KIAA1217: variants seen among roughly 807,000 people sequenced by gnomAD.
KIAA1217 encodes the protein KIAA1217.
KIAA1217 carries 88 observed loss-of-function variants against 163.9 expected under a neutral mutation model. The ratio of observed to expected loss-of-function variants is 0.54; its 90% CI spans 0.45 to 0.64. The LOEUF (loss-of-function observed/expected upper bound fraction) is 0.64. Among genes scored for constraint, KIAA1217 ranks in the 30% least tolerant of loss-of-function variants. The probability of loss-of-function intolerance (pLI) is 0.00; values close to 1 mark genes in which losing one functional copy is unlikely to be tolerated. For missense variants in KIAA1217, 2,372 were observed against 2,475.0 expected, an observed-to-expected ratio of 0.96 and a Z score of 0.88; for synonymous variants, 903 against 923.1, an observed-to-expected ratio of 0.98 and a Z score of 0.39.
At chr10:24,333,659 G>T (rs187457975) in intron 2 of KIAA1217, among the ~76,000 whole-genome samples, 1 of 152,268 alleles carries the variant, frequency 6.6e-6, no homozygotes, top group East Asian at 1.9e-4. Flanking sequence ...AAATCAATAG[G>T]CTGGCCTACA....
At chr10:24,498,471 T>C (rs1462437521) in intron 8 of KIAA1217, among the ~76,000 whole-genome samples, 1 of 151,966 alleles carries the variant, frequency 6.6e-6, no homozygotes, top group African/African-American at 2.4e-5. Context: ...GTACCAAATA[T>C]AGGAGATTAA....
chr10:24,412,174 G>C (rs1292784380), intron 3 of KIAA1217, among the ~76,000 whole-genome samples: 1 of 114,914 alleles, frequency 8.7e-6, no homozygotes, highest in African/African-American at 3.8e-5. Context: ...AAAAATGTTT[G>C]GTCCAAAAAA....
intron 2 of KIAA1217, among the ~76,000 whole-genome samples, chr10:24,136,289 T>G (rs2063829467): frequency 1.3e-5 from 2 of 152,140 alleles, no homozygotes; most frequent in South Asian, 4.1e-4. Flanking sequence ...TACTTCTGAG[T>G]CATCAAAAAA....
chr10:24,005,845 G>A (rs1846969406), intron 1 of KIAA1217, among the ~76,000 whole-genome samples: 1 of 152,178 alleles, frequency 6.6e-6, no homozygotes, highest in Non-Finnish European at 1.5e-5. Flanking sequence ...GTAAGAATGT[G>A]TGCAAAGTTT....
chr10:24,545,562 A>G, intron 20 of KIAA1217: 1 of 1,350,990 alleles, frequency 7.4e-7, no homozygotes, highest in Non-Finnish European at 9.5e-7. Flanking sequence ...CACCTGGCAC[A>G]CAGGAAATGG....
rs145829033 is a variant in KIAA1217, at chr10:24,112,459, T to C, written c.-171+105085T>C. Among the ~76,000 whole-genome samples, 185 of 152,310 alleles carry C rather than the reference T, an allele frequency of 1.2e-3. 1 individual carries two copies. The highest frequency in any genetic ancestry group is 0.011 in the South Asian group (55 of 4,820). On this transcript the variant is annotated intron_variant, in intron 2 of 18. Transcript: ENST00000376462. Reference sequence around the variant, plus strand: ...TGAATAGTGTTCTGAAAAATTTATGTCCACCCAGGACTTCAGAATGTGACC... The same window carrying C: ...TGAATAGTGTTCTGAAAAATTTATGCCCACCCAGGACTTCAGAATGTGACC...
chr10:23,942,177 C>T (rs1332070161), intron 1 of KIAA1217, among the ~76,000 whole-genome samples: 1 of 152,008 alleles, frequency 6.6e-6, no homozygotes, highest in Non-Finnish European at 1.5e-5. Flanking sequence ...TGTGAAGAAA[C>T]AGACGTGACC....
At chr10:24,350,360 C>A (rs2048308375) in intron 2 of KIAA1217, among the ~76,000 whole-genome samples, 1 of 152,150 alleles carries the variant, frequency 6.6e-6, no homozygotes, top group South Asian at 2.1e-4. Context: ...GGGAGGCAGT[C>A]TGGTTTAGAT....
intron 1 of KIAA1217, among the ~76,000 whole-genome samples, chr10:23,734,357 G>T (rs1172903499): frequency 3.3e-5 from 5 of 150,278 alleles, no homozygotes; most frequent in African/African-American, 1.2e-4. Flanking sequence ...CATGATCTCA[G>T]CTCACTGCAA....
chr10:23,908,886 G>C (rs890913365), intron 1 of KIAA1217, among the ~76,000 whole-genome samples: 2 of 152,052 alleles, frequency 1.3e-5, no homozygotes, highest in African/African-American at 4.8e-5. Context: ...CCCGTTACTG[G>C]GTGTATACCT....
chr10:23,702,634 T>A (rs1391485990), intron 1 of KIAA1217, among the ~76,000 whole-genome samples: 14 of 150,782 alleles, frequency 9.3e-5, no homozygotes, highest in Admixed American at 9.3e-4. Context: ...CTTCCTTGAC[T>A]CCTTGCTAGT....
At chr10:24,388,961 T>G (rs2054438078) in intron 3 of KIAA1217, among the ~76,000 whole-genome samples, 1 of 151,540 alleles carries the variant, frequency 6.6e-6, no homozygotes, top group South Asian at 2.1e-4. Flanking sequence ...TTGGTGGGAC[T>G]GTAAACTAGT....
chr10:24,516,377 G>A (rs2070162621), intron 10 of KIAA1217, among the ~76,000 whole-genome samples: 1 of 152,232 alleles, frequency 6.6e-6, no homozygotes. Flanking sequence ...CCTGCTTGAT[G>A]CCTGTCTGGG....
chr10:23,943,812 C>T (rs1843887086), intron 1 of KIAA1217, among the ~76,000 whole-genome samples: 2 of 152,016 alleles, frequency 1.3e-5, no homozygotes, highest in African/African-American at 4.8e-5. Context: ...ATTTTTTTAC[C>T]AAAGTGCCAA....
chr10:24,384,391 C>G (rs761371125), intron 3 of KIAA1217, among the ~76,000 whole-genome samples: 1 of 152,034 alleles, frequency 6.6e-6, no homozygotes, highest in African/African-American at 2.4e-5. Context: ...GCATGAACAG[C>G]CTCCCCCATG....
intron 1 of KIAA1217, among the ~76,000 whole-genome samples, chr10:23,814,162 T>A (rs552974719): frequency 6.6e-6 from 1 of 152,240 alleles, no homozygotes; most frequent in South Asian, 2.1e-4. Context: ...GTGTTTTATT[T>A]TGCAGGGCAG....
At chr10:24,248,105 G>T (rs1376621002) in intron 2 of KIAA1217, among the ~76,000 whole-genome samples, 1 of 152,120 alleles carries the variant, frequency 6.6e-6, no homozygotes, top group Admixed American at 6.6e-5. Flanking sequence ...GAAGGAAGCA[G>T]TTCTCTTTTT....
intron 1 of KIAA1217, among the ~76,000 whole-genome samples, chr10:23,938,451 A>C (rs7076495): frequency 0.039 from 5,975 of 152,228 alleles, 384 homozygotes; most frequent in African/African-American, 0.14. Flanking sequence ...ATGTCTGTGC[A>C]TTCTGCATCC....
intron 3 of KIAA1217, among the ~76,000 whole-genome samples, chr10:24,404,586 A>C (rs1174317622): frequency 6.6e-6 from 1 of 151,472 alleles, no homozygotes; most frequent in Non-Finnish European, 1.5e-5. Context: ...AAAAAAAAAA[A>C]AAAAAAACTG....
Sources: allele counts gnomAD v4.1 joint callset (sites outside exome capture counted in the v4.1 genomes callset), GRCh38; gene constraint gnomAD v4.1.1; transcripts MANE v1.5; gene names NCBI Gene and HGNC (gene_info 2026-07-23, HGNC 2026-07-21).